CHN1: variants seen among roughly 807,000 people sequenced by gnomAD.
CHN1 encodes N-chimaerin.
Under a neutral mutation model 59.5 loss-of-function variants are expected in CHN1, and 37 were observed. The ratio of observed to expected loss-of-function variants is 0.62; its 90% CI spans 0.48 to 0.82. The LOEUF is 0.82. CHN1 is among the 40% of genes least tolerant of loss of function. The pLI, the probability that CHN1 is intolerant of heterozygous loss-of-function variation, is 0.00. For missense variants in CHN1, 469 were observed against 571.0 expected (o/e 0.82, Z 1.82); for synonymous variants, 206 against 200.4 (o/e 1.03, Z -0.24).
intron 5 of CHN1, among the ~76,000 whole-genome samples, chr2:174,885,433 G>A (rs1287897288): frequency 6.6e-6 from 1 of 151,992 alleles, no homozygotes; most frequent in Non-Finnish European, 1.5e-5. Context: ...TGGTCTTAGT[G>A]TGATGACCTA....
Position 175,005,187 on chromosome 2 carries a change from TGC to T in CHN1, c.-277_-276del. 1.6e-6 allele frequency: 2 copies of T among 1,249,922 alleles called. No individual in the cohort carries two copies. The highest frequency in any genetic ancestry group is 2.0e-6 in the Non-Finnish European group (2 of 994,112). The allele number at this position is 1,249,922 out of a possible 1,614,324, so 77.4% of individuals were successfully genotyped here. A position where few individuals can be genotyped will look rare whatever the true frequency, so the allele number is the denominator to read the frequency against. On this transcript the variant is annotated 5_prime_UTR_variant, in exon 1 of 13. The change creates a premature stop within an existing upstream ORF in the 5' untranslated region. Transcript: ENST00000409900. ...TGTCGCTGCCATCAGGCGCGGAGCG[TGC>T]GCGCGGGAGGAGGTACCTGCGAGGC... is the stretch of plus-strand genomic sequence containing the variant.
intron 6 of CHN1, among the ~76,000 whole-genome samples, chr2:174,875,133 C>T (rs1687527661): frequency 6.6e-6 from 1 of 152,168 alleles, no homozygotes; most frequent in Middle Eastern, 3.4e-3. Flanking sequence ...CCTTGGCCTC[C>T]CAATGTGCTG....
At chr2:174,823,632 C>T (rs1331239138) in intron 8 of CHN1, among the ~76,000 whole-genome samples, 2 of 150,976 alleles carry the variant, frequency 1.3e-5, no homozygotes, top group African/African-American at 4.9e-5. Context: ...TACTGCACTC[C>T]AGCCTGGGAG....
chr2:174,910,132 T>C (rs1397253528), intron 5 of CHN1, among the ~76,000 whole-genome samples: 1 of 152,228 alleles, frequency 6.6e-6, no homozygotes. Context: ...AATCTATACA[T>C]TACATAGAAA....
chr2:174,846,756 C>A (rs967236840), intron 7 of CHN1, 124 bp downstream of exon 7: 10 of 1,019,212 alleles, frequency 9.8e-6, no homozygotes, highest in Non-Finnish European at 1.4e-5. Flanking sequence ...ACATCTCACT[C>A]CTTAAATAGC....
intron 7 of CHN1, among the ~76,000 whole-genome samples, chr2:174,828,567 A>C (rs936369635): frequency 7.2e-5 from 11 of 152,342 alleles, no homozygotes; most frequent in Non-Finnish European, 1.3e-4. Context: ...TTTCCTATAG[A>C]TAATTCTACA....
intron 5 of CHN1, among the ~76,000 whole-genome samples, chr2:174,912,937 T>A (rs1485075545): frequency 6.6e-6 from 1 of 152,194 alleles, no homozygotes; most frequent in Non-Finnish European, 1.5e-5. Context: ...GATATTAATT[T>A]GAAACATTTC....
chr2:174,994,603 T>C (rs1017357208), intron 1 of CHN1, among the ~76,000 whole-genome samples: 1 of 152,134 alleles, frequency 6.6e-6, no homozygotes, highest in Non-Finnish European at 1.5e-5. Context: ...AGATGGGTAG[T>C]ATAGGGCACT....
intron 1 of CHN1, among the ~76,000 whole-genome samples, chr2:174,971,676 A>G (rs1197938394): frequency 6.6e-6 from 1 of 152,242 alleles, no homozygotes; most frequent in Non-Finnish European, 1.5e-5. Flanking sequence ...TATGCATGAG[A>G]AAACAAGTAA....
At chr2:174,840,637 G>A (rs1686267553) in intron 7 of CHN1, among the ~76,000 whole-genome samples, 1 of 152,080 alleles carries the variant, frequency 6.6e-6, no homozygotes, top group Non-Finnish European at 1.5e-5. Flanking sequence ...AATACTTGAG[G>A]GATGAGCAAG....
At chr2:174,827,978 G>C (rs1182837188) in intron 7 of CHN1, among the ~76,000 whole-genome samples, 1 of 152,192 alleles carries the variant, frequency 6.6e-6, no homozygotes, top group African/African-American at 2.4e-5. Flanking sequence ...CTCTGGAGAA[G>C]TCAAATGTTG....
At position 174,828,349 on chromosome 2, in the gene CHN1, G is replaced by GTT. The variant is rs1177959184; in HGVS notation, c.628-3832_628-3831insAA. On this transcript the variant is annotated intron_variant, in intron 7 of 12. Transcript: ENST00000409900. ...CAGTGTCAAGCACATTAAACAAAAA[G>GTT]TGATGAATATTTTCTTTTTACGTGC... Among the ~76,000 whole-genome samples, 22 of 152,314 alleles carry GTT rather than the reference G, an allele frequency of 1.4e-4. No individual in the cohort carries two copies. In the East Asian group the frequency reaches 3.5e-3, roughly 24 times the overall value.
At position 174,811,608 on chromosome 2, in the gene CHN1, A is replaced by C; in HGVS notation, c.887-20T>G. 1 of 1,511,810 alleles carries C rather than the reference A, an allele frequency of 6.6e-7. No individual in the cohort carries two copies. Among genetic ancestry groups the C allele is most frequent in the Non-Finnish European group, 9.1e-7 (1 of 1,098,184 alleles). The allele number at this position is 1,511,810 out of a possible 1,614,324, so 93.6% of individuals were successfully genotyped here. On this transcript the variant is annotated intron_variant, in intron 9 of 12. Transcript: ENST00000409900. ...TAAGACCTGAAAAATAAAACTAGTT[A>C]GTTTCTTTGAATTATGCCTTTTCTT...
At chr2:174,993,573 G>A (rs1314483802) in intron 1 of CHN1, among the ~76,000 whole-genome samples, 1 of 150,432 alleles carries the variant, frequency 6.6e-6, no homozygotes, top group Non-Finnish European at 1.5e-5. Flanking sequence ...GGTAATGGGA[G>A]GAGCACCAAA....
chr2:174,883,202 A>G (rs2105338740), intron 5 of CHN1, among the ~76,000 whole-genome samples: 1 of 152,284 alleles, frequency 6.6e-6, no homozygotes, highest in Admixed American at 6.5e-5. Context: ...GCAGTTAGAT[A>G]TTCCTCCTGC....
In CHN1 at chr2:174,995,179, A is replaced by C. The variant is rs150318250; in HGVS notation, c.19+9715T>G. On this transcript the variant is annotated intron_variant, in intron 1 of 12. Coordinates refer to ENST00000409900, the MANE Select transcript of CHN1 (RefSeq NM_001822.7). ...AACATTGAGTTTACAGTCCTTGATA[A>C]ATTTTAAGCGTTATGAGGGCAGGGA... Among the ~76,000 whole-genome samples, 57 of 152,298 alleles carry C rather than the reference A, an allele frequency of 3.7e-4. 1 individual carries two copies. Among genetic ancestry groups the C allele is most frequent in the African/African-American group, 1.3e-3 (52 of 41,560 alleles).
chr2:174,935,349 A>G (rs1689466061), intron 3 of CHN1, among the ~76,000 whole-genome samples: 1 of 152,264 alleles, frequency 6.6e-6, no homozygotes, highest in South Asian at 2.1e-4. Context: ...TGACTGAATG[A>G]ACAAATACAT....
chr2:174,934,254 TG>T (rs1689434319), intron 3 of CHN1, among the ~76,000 whole-genome samples: 1 of 152,186 alleles, frequency 6.6e-6, no homozygotes, highest in Non-Finnish European at 1.5e-5. Context: ...CAGTCTCATC[TG>T]GGGGTAATGG....
chr2:174,972,832 A>G (rs570667334), intron 1 of CHN1, among the ~76,000 whole-genome samples: 6 of 152,336 alleles, frequency 3.9e-5, no homozygotes, highest in Admixed American at 6.5e-5. Context: ...GATCAGAAAT[A>G]GAAAATATAA....
Sources: gnomAD v4.1 joint callset for allele counts (sites outside exome capture counted in the v4.1 genomes callset) on GRCh38, gnomAD v4.1.1 for gene constraint, MANE v1.5 for transcripts, NCBI Gene and HGNC (gene_info 2026-07-23, HGNC 2026-07-21) for gene names.